SERINC5: variants seen among roughly 807,000 people sequenced by gnomAD.
The protein encoded by SERINC5 is serine incorporator 5.
SERINC5 carries 41 observed loss-of-function variants against 63.1 expected under a neutral mutation model. That is an observed-to-expected ratio of 0.65 (90% CI 0.51 to 0.84). The LOEUF (loss-of-function observed/expected upper bound fraction) is 0.84. Among genes scored for constraint, SERINC5 ranks in the 40% least tolerant of loss-of-function variants. The probability of loss-of-function intolerance (pLI) is 0.00; values close to 1 mark genes in which losing one functional copy is unlikely to be tolerated. For synonymous variants in SERINC5, 222 were observed against 215.2 expected, an observed-to-expected ratio of 1.03 and a Z score of -0.28; for missense variants, 523 against 573.0, an observed-to-expected ratio of 0.91 and a Z score of 0.89.
At chr5:80,209,328 G>A (rs755396172) in intron 1 of SERINC5, among the ~76,000 whole-genome samples, 4 of 151,786 alleles carry the variant, frequency 2.6e-5, no homozygotes, top group Non-Finnish European at 5.9e-5. Context: ...TAATCCAACA[G>A]GACTGCTTCT....
intron 8 of SERINC5, chr5:80,157,648 AC>A (rs1746626620): frequency 6.6e-6 from 1 of 152,106 alleles, no homozygotes; most frequent in African/African-American, 2.4e-5. Flanking sequence ...GAGCCACTGC[AC>A]CACGCAGCCT....
At chr5:80,115,642 T>A (rs2112221467) in intron 11 of SERINC5, among the ~76,000 whole-genome samples, 1 of 152,198 alleles carries the variant, frequency 6.6e-6, no homozygotes, top group South Asian at 2.1e-4. Flanking sequence ...AATCAATGAA[T>A]AAAAATTTCC....
intron 8 of SERINC5, among the ~76,000 whole-genome samples, chr5:80,153,928 G>T (rs1746349599): frequency 6.6e-6 from 1 of 152,194 alleles, no homozygotes; most frequent in African/African-American, 2.4e-5. Context: ...TGGCACTGCA[G>T]ATGCTTTTGA....
At chr5:80,120,504 G>A (rs528306951) in intron 11 of SERINC5, among the ~76,000 whole-genome samples, 5 of 152,224 alleles carry the variant, frequency 3.3e-5, no homozygotes, top group Admixed American at 2.6e-4. Context: ...ACCATATTAG[G>A]TTATAATATA....
intron 1 of SERINC5, among the ~76,000 whole-genome samples, chr5:80,247,884 G>A (rs913465048): frequency 2.0e-5 from 3 of 152,194 alleles, no homozygotes; most frequent in Non-Finnish European, 4.4e-5. Context: ...GTCTCACTCT[G>A]TCACCCAGGC....
At chr5:80,147,186 A>T in intron 10 of SERINC5, 59 bp downstream of exon 10, 1 of 1,469,768 alleles carries the variant, frequency 6.8e-7, no homozygotes, top group Non-Finnish European at 9.3e-7. Context: ...ATGACTACAG[A>T]TTAGAGTTAT....
intron 7 of SERINC5, among the ~76,000 whole-genome samples, chr5:80,159,835 C>T (rs888120239): frequency 1.3e-5 from 2 of 152,232 alleles, no homozygotes; most frequent in Non-Finnish European, 2.9e-5. Flanking sequence ...ACCACCTCAT[C>T]CACATGTTAG....
intron 1 of SERINC5, among the ~76,000 whole-genome samples, chr5:80,251,729 CAA>C (rs559105559): frequency 6.0e-4 from 56 of 93,438 alleles, no homozygotes; most frequent in Admixed American, 1.6e-3. Flanking sequence ...GACGCTGTCT[CAA>C]AAAAAAAAAA....
chr5:80,228,486 C>T (rs754742396), intron 1 of SERINC5, among the ~76,000 whole-genome samples: 9 of 151,628 alleles, frequency 5.9e-5, no homozygotes, highest in Non-Finnish European at 1.0e-4. Context: ...GAAAGGGTCT[C>T]ATTCTGTTGC....
At chr5:80,255,818 A>C (rs1213281193) in intron 1 of SERINC5, 78 bp downstream of exon 1, 1 of 1,458,244 alleles carries the variant, frequency 6.9e-7, no homozygotes, top group African/African-American at 1.4e-5. Flanking sequence ...GAGCGCACCC[A>C]GGCAGGTCCT....
intron 8 of SERINC5, among the ~76,000 whole-genome samples, chr5:80,154,325 A>G (rs376330748): frequency 4.3e-4 from 66 of 152,006 alleles, no homozygotes; most frequent in African/African-American, 1.4e-3. Flanking sequence ...GGTTACAGGC[A>G]TGCACCACCA....
At chr5:80,218,117 A>G (rs947213225) in intron 1 of SERINC5, among the ~76,000 whole-genome samples, 2 of 152,186 alleles carry the variant, frequency 1.3e-5, no homozygotes, top group Non-Finnish European at 2.9e-5. Context: ...AAACAAACAA[A>G]TGCTCTGCTG....
chr5:80,140,803 G>A lies in SERINC5; in HGVS notation c.*2860C>T. 1.0e-6 allele frequency: 1 copy of A among 985,234 alleles called. No homozygotes were observed. Among genetic ancestry groups the A allele is most frequent in the Middle Eastern group, 5.2e-4 (1 of 1,914 alleles). 61.0% of individuals were successfully genotyped at this position (985,234 alleles called of 1,614,324 possible). On this transcript the variant is annotated 3_prime_UTR_variant, in exon 12 of 12. Transcript: ENST00000507668. Reference sequence around the variant, plus strand: ...TTTTCTACATCAGACAAATCACACAGAGGAAATATTCACATGCAGCTTTAA... The same window carrying A: ...TTTTCTACATCAGACAAATCACACAAAGGAAATATTCACATGCAGCTTTAA...
intron 11 of SERINC5, among the ~76,000 whole-genome samples, chr5:80,129,544 C>T (rs1396446043): frequency 1.3e-5 from 2 of 152,112 alleles, no homozygotes; most frequent in East Asian, 1.9e-4. Context: ...CCTGGCCTCA[C>T]GTGATCCTCC....
chr5:80,143,878 A>T, intron 11 of SERINC5, 68 bp from the exon 12 acceptor site: 1 of 1,498,606 alleles, frequency 6.7e-7, no homozygotes, highest in Non-Finnish European at 8.9e-7. Context: ...ACTAATTCAC[A>T]TCCATTTATA....
In SERINC5 at chr5:80,234,956, TATC is replaced by T. The variant is rs1751617979; in HGVS notation, c.27+20937_27+20939del. Among the ~76,000 whole-genome samples the T allele has an allele frequency of 2.0e-5, 3 of 152,180 alleles. No homozygotes were observed. In the South Asian group the frequency reaches 6.2e-4, roughly 31 times the overall value. On this transcript the variant is annotated intron_variant, in intron 1 of 11. Transcript: ENST00000507668. ...GCTGAAACACACATAACATTAAACT[TATC>T]ATCCTAACCACTTTTAAGTGTACAG...
chr5:80,161,746 G>A (rs934331486), intron 7 of SERINC5, among the ~76,000 whole-genome samples: 2 of 152,122 alleles, frequency 1.3e-5, no homozygotes, highest in Admixed American at 6.6e-5. Context: ...TGTTGTCTGT[G>A]CTTTTGAGGT....
chr5:80,131,051 T>C (rs1206820839), intron 11 of SERINC5, among the ~76,000 whole-genome samples: 2 of 152,158 alleles, frequency 1.3e-5, no homozygotes, highest in African/African-American at 4.8e-5. Flanking sequence ...TCACTGAAAA[T>C]GTAATACATA....
chr5:80,120,831 C>T lies in SERINC5; in HGVS notation c.1239-7206G>A, dbSNP rs139970411. 7.9e-3 allele frequency among the ~76,000 whole-genome samples: 1,208 copies of T among 152,214 alleles called. 18 individuals carry two copies. The highest frequency in any genetic ancestry group is 0.028 in the African/African-American group (1,143 of 41,522). On this transcript the variant is annotated intron_variant, in intron 11 of 12. Transcript: ENST00000509193. Reference sequence around the variant, plus strand: ...TGTCTCAAAAAAAGAAAAGAAATACCTGCATTGCTATAAAGAAATACCTGA... The same window carrying T: ...TGTCTCAAAAAAAGAAAAGAAATACTTGCATTGCTATAAAGAAATACCTGA...
Sources: gnomAD v4.1 joint callset for allele counts (sites outside exome capture counted in the v4.1 genomes callset) on GRCh38, gnomAD v4.1.1 for gene constraint, MANE v1.5 for transcripts, NCBI Gene and HGNC (gene_info 2026-07-23, HGNC 2026-07-21) for gene names.